Variants in MGST2 observed in about 807,000 individuals in gnomAD.
MGST2 encodes glutathione peroxidase MGST2.
Under a neutral mutation model 16.6 loss-of-function variants are expected in MGST2, and 9 were observed. That is an observed-to-expected ratio of 0.54 (90% confidence interval 0.33 to 0.95). The LOEUF (loss-of-function observed/expected upper bound fraction) is 0.95. Ranked by LOEUF, MGST2 falls within the 40% of genes least tolerant of loss-of-function variation. MGST2 has a pLI of 0.03. For synonymous variants in MGST2, 79 were observed against 68.0 expected (o/e 1.16, Z -0.79); for missense variants, 159 against 175.1 (o/e 0.91, Z 0.52).
chr4:139,695,055 T>C lies in MGST2; in HGVS notation c.159-142T>C, dbSNP rs761532321. On this transcript the variant is annotated intron_variant, in intron 2 of 4. Transcript: ENST00000265498. ...ATGTTCAACCTTGAAAGATTGATTT[T>C]AAATGTAAAGGTCATTTAAACTCTT... 7.3e-5 allele frequency: 47 copies of C among 646,208 alleles called. No individual in the cohort carries two copies. The African/African-American group carries it at 7.7e-4, about 11-fold the overall frequency. The allele number at this position is 646,208 out of a possible 1,614,324, so 40.0% of individuals were successfully genotyped here. A position where few individuals can be genotyped will look rare whatever the true frequency, so the allele number is the denominator to read the frequency against.
intron 5 of MGST2, among the ~76,000 whole-genome samples, chr4:139,709,375 G>T (rs887611152): frequency 6.6e-6 from 1 of 152,020 alleles, no homozygotes; most frequent in African/African-American, 2.4e-5. Flanking sequence ...GAGCCATCAC[G>T]CCCGGCCAGA....
At chr4:139,678,784 C>A in intron 2 of MGST2, 142 bp downstream of exon 2, 3 of 728,546 alleles carry the variant, frequency 4.1e-6, no homozygotes, top group East Asian at 5.4e-5. Flanking sequence ...CAGCCAAGAC[C>A]GTTCTCAGAA....
intron 5 of MGST2, among the ~76,000 whole-genome samples, chr4:139,724,668 G>A (rs1052714839): frequency 3.3e-5 from 5 of 152,112 alleles, no homozygotes; most frequent in African/African-American, 1.2e-4. Flanking sequence ...ATGGGATTAG[G>A]ATTTCTGCTG....
At chr4:139,707,356 C>G (rs1417440748), downstream of MGST2, among the ~76,000 whole-genome samples, 1 of 152,208 alleles carries the variant, frequency 6.6e-6, no homozygotes, top group Non-Finnish European at 1.5e-5. Flanking sequence ...CCAGTTTCAT[C>G]CATGTCCCTA....
the MGST2 span, among the ~76,000 whole-genome samples, chr4:139,753,592 A>G: frequency 6.6e-6 from 1 of 152,216 alleles, no homozygotes. Context: ...TTACAAAATA[A>G]GTGAAGGGAA....
chr4:139,710,666 G>A (rs1727702113), intron 5 of MGST2, among the ~76,000 whole-genome samples: 1 of 152,112 alleles, frequency 6.6e-6, no homozygotes, highest in Admixed American at 6.5e-5. Context: ...TTGCCAACCT[G>A]TCTGGAACCA....
chr4:139,691,467 G>C (rs547824849), intron 2 of MGST2, among the ~76,000 whole-genome samples: 8 of 152,266 alleles, frequency 5.3e-5, no homozygotes, highest in African/African-American at 1.9e-4. Flanking sequence ...ACGTGTTATT[G>C]TGGGACACCA....
intron 5 of MGST2, among the ~76,000 whole-genome samples, chr4:139,736,982 C>G (rs898898382): frequency 6.6e-6 from 1 of 152,102 alleles, no homozygotes; most frequent in South Asian, 2.1e-4. Flanking sequence ...AATGCAAACC[C>G]AAGAATTCTG....
chr4:139,675,545 A>G (rs8192047), intron 1 of MGST2, among the ~76,000 whole-genome samples: 32,796 of 152,152 alleles, frequency 0.22, 4,120 homozygotes, highest in East Asian at 0.33. Flanking sequence ...ATCATCCCCA[A>G]AGTTTTCTTG....
intron 5 of MGST2, chr4:139,719,709 C>T (rs373700602): frequency 2.2e-5 from 36 of 1,613,520 alleles, no homozygotes; most frequent in Admixed American, 8.3e-5. Flanking sequence ...TTAGCATCCA[C>T]GACTGACTGG....
At chr4:139,743,806 A>C (rs936951939), downstream of MGST2, among the ~76,000 whole-genome samples, 4 of 152,236 alleles carry the variant, frequency 2.6e-5, no homozygotes, top group African/African-American at 9.6e-5. Flanking sequence ...AAGGTCGACA[A>C]GGCCAATCTT....
chr4:139,684,764 T>C (rs1475318015), intron 2 of MGST2, among the ~76,000 whole-genome samples: 5 of 152,204 alleles, frequency 3.3e-5, no homozygotes, highest in Non-Finnish European at 7.3e-5. Context: ...AGGAAGGTTT[T>C]TCGACTGTGC....
chr4:139,669,436 G>A (rs909345764), intron 1 of MGST2, among the ~76,000 whole-genome samples: 1 of 152,220 alleles, frequency 6.6e-6, no homozygotes, highest in Non-Finnish European at 1.5e-5. Flanking sequence ...CCACTTCCCA[G>A]CTGGGTGTCC....
At chr4:139,690,787 T>A (rs1726531214) in intron 2 of MGST2, among the ~76,000 whole-genome samples, 1 of 152,192 alleles carries the variant, frequency 6.6e-6, no homozygotes, top group African/African-American at 2.4e-5. Flanking sequence ...AGTATACTTA[T>A]TGACTGAGAC....
At chr4:139,701,489 C>T (rs551774959) in intron 3 of MGST2, among the ~76,000 whole-genome samples, 10 of 152,292 alleles carry the variant, frequency 6.6e-5, no homozygotes, top group Non-Finnish European at 1.3e-4. Flanking sequence ...TTGGCAACCT[C>T]CTCCAGTTCC....
Position 139,687,912 on chromosome 4 carries a change from T to C in MGST2, c.159-7285T>C, listed in dbSNP as rs900841767. Among the ~76,000 whole-genome samples the C allele has an allele frequency of 5.3e-5, 8 of 152,208 alleles. No homozygotes were observed. In the East Asian group the frequency reaches 1.3e-3, roughly 26 times the overall value. On this transcript the variant is annotated intron_variant, in intron 2 of 4. Transcript: ENST00000265498. Reference sequence around the variant, plus strand: ...TTTTGCCAGAATACATTTTTTAAAATTGTGAAAATAGCAACTATAATTTCA... The same window carrying C: ...TTTTGCCAGAATACATTTTTTAAAACTGTGAAAATAGCAACTATAATTTCA...
intron 1 of MGST2, among the ~76,000 whole-genome samples, chr4:139,674,854 C>A (rs1730882926): frequency 6.6e-6 from 1 of 152,176 alleles, no homozygotes; most frequent in South Asian, 2.1e-4. Context: ...ATGCAGTTCC[C>A]AGCTTGACTT....
chr4:139,716,521 C>G (rs141484944), intron 5 of MGST2, among the ~76,000 whole-genome samples: 54 of 152,206 alleles, frequency 3.5e-4, no homozygotes, highest in African/African-American at 1.3e-3. Context: ...ACTTTCCTCC[C>G]TTCCCTTTGC....
At chr4:139,725,803 G>A (rs1374196818) in intron 5 of MGST2, 1 of 1,613,838 alleles carries the variant, frequency 6.2e-7, no homozygotes, top group African/African-American at 1.3e-5. Flanking sequence ...GTGGCTGGAG[G>A]TGCTGCCGGG....
Sources: allele counts gnomAD v4.1 joint callset (sites outside exome capture counted in the v4.1 genomes callset), GRCh38; gene constraint gnomAD v4.1.1; transcripts MANE v1.5; gene names NCBI Gene and HGNC (gene_info 2026-07-23, HGNC 2026-07-21).